ACAA1: variants seen among roughly 807,000 people sequenced by gnomAD.
The protein encoded by ACAA1 is acetyl-CoA acyltransferase 1, also known as 3-ketoacyl-CoA thiolase, peroxisomal.
In ACAA1, 44 loss-of-function variants were observed where a neutral mutation model predicts 48.8. The ratio of observed to expected loss-of-function variants is 0.90; its 90% CI spans 0.71 to 1.16. The LOEUF (loss-of-function observed/expected upper bound fraction) is 1.16, where lower values mean the gene tolerates loss of function less well. Among genes scored for constraint, ACAA1 ranks in the 50% most tolerant of loss-of-function variants. The pLI is 0.00. For missense variants in ACAA1, 512 were observed against 562.3 expected (o/e 0.91, Z 0.90); for synonymous variants, 233 against 226.5 (o/e 1.03, Z -0.26).
chr3:38,127,891 TGG>T (rs1479232953), intron 6 of ACAA1, 25 bp from the exon 7 acceptor site: 1 of 1,613,312 alleles, frequency 6.2e-7, no homozygotes, highest in Non-Finnish European at 8.5e-7. Context: ...GCAGATAGTG[TGG>T]GCATTGGTCT....
chr3:38,133,147 G>A lies in ACAA1; in HGVS notation c.323+805C>T, dbSNP rs557032031. On this transcript the variant is annotated intron_variant, in intron 3 of 11. Transcript: ENST00000333167. ...GCCAAAATGGTGAGACTGTGTTTAG[G>A]CAGGGTTTGTCTTTCTGTCTAGGGC... Among the ~76,000 whole-genome samples, 4 of 152,298 alleles carry A rather than the reference G, an allele frequency of 2.6e-5. No individual in the cohort carries two copies. The South Asian group carries it at 6.2e-4, about 24-fold the overall frequency.
chr3:38,125,968 GGT>G (rs1209508640), intron 9 of ACAA1, 87 bp from the exon 10 acceptor site: 8 of 1,582,036 alleles, frequency 5.1e-6, no homozygotes, highest in Non-Finnish European at 6.9e-6. Flanking sequence ...CAGGCTGCCT[GGT>G]GTGTGTCTCT....
Position 38,129,091 on chromosome 3 carries a change from C to G in ACAA1, c.545+199G>C, listed in dbSNP as rs1375580948. ...GGCGATGTTTGGAAACTCGGGGGCA[C>G]AGAGAGGACCTGGGGCCTTCAGGAA... On this transcript the variant is annotated intron_variant, in intron 6 of 11. Coordinates refer to ENST00000333167, the MANE Select transcript of ACAA1 (RefSeq NM_001607.4). This position sits in a 1 kb window ranked among gnomAD's most constrained non-coding sequence, Gnocchi z 5.3. Among the ~76,000 whole-genome samples, 1 of 152,142 alleles carries G rather than the reference C, an allele frequency of 6.6e-6. No individual in the cohort carries two copies. Among genetic ancestry groups the G allele is most frequent in the African/African-American group, 2.4e-5 (1 of 41,424 alleles).
Position 38,126,200 on chromosome 3 carries a change from C to T in ACAA1, c.959G>A (p.Gly320Glu). 3 of 1,614,142 alleles carry T rather than the reference C, an allele frequency of 1.9e-6. No homozygotes were observed. The highest frequency in any genetic ancestry group is 2.5e-6 in the Non-Finnish European group (3 of 1,179,988). ...AGCTACTGGGATGGCATAGGCAGGT[C>T]CAATGCCCATGATGTCAGGTGGGAC... The part of the protein sequence containing the change: ...VGVPPDIMGI[G>E]PAYAIPVALQ... The change falls in exon 9 of 12, where the codon GGA (glycine) becomes GAA (glutamate). Residue 320 changes from glycine (G) to glutamate (E), a missense_variant. Gly to Glu is a moderately conservative substitution (Grantham distance 98). Transcript: ENST00000333167. This position sits in a 1 kb window ranked among gnomAD's most constrained non-coding sequence, Gnocchi z 4.7.
rs535712162 is a variant in ACAA1 at position 38,131,721 on chromosome 3, C to G, written c.404-83G>C. ...GTGGAGCCTCTTCCCCACCTGGTCT[C>G]TAGATGGGACTCAGCCCCAGCCTCA... On this transcript the variant is annotated intron_variant, in intron 4 of 11. Transcript: ENST00000333167. 5.5e-4 allele frequency: 810 copies of G among 1,478,080 alleles called. 2 individuals are homozygous for G. Among genetic ancestry groups the G allele is most frequent in the Non-Finnish European group, 7.4e-4 (780 of 1,055,950 alleles). The allele number at this position is 1,478,080 out of a possible 1,614,324, so 91.6% of individuals were successfully genotyped here.
In ACAA1 at chr3:38,126,713, T is replaced by A. The variant is rs200810325; in HGVS notation, c.627-13A>T. 2.5e-6 allele frequency: 4 copies of A among 1,612,886 alleles called. No homozygotes were observed. The highest frequency in any genetic ancestry group is 3.4e-6 in the Non-Finnish European group (4 of 1,179,998). ...GGCTCTTGCTGCCCTGCCAGCACCA[T>A]GGACAGCCAGCTTCAGACTCCCTTG... On this transcript the variant is annotated splice_polypyrimidine_tract_variant and intron_variant, in intron 7 of 11. Transcript: ENST00000333167. The surrounding 1 kb of genome is among the most constrained non-coding windows in gnomAD (Gnocchi z 4.7).
Position 38,126,474 on chromosome 3 carries a change from C to G in ACAA1, c.817+36G>C. ...GTACAGCACCCAGCATGGCCATGGC[C>G]TGCTTTCTCATACCCCTACCCCGGA... is the stretch of plus-strand genomic sequence containing the variant. On this transcript the variant is annotated intron_variant, in intron 8 of 11. Coordinates refer to ENST00000333167, the MANE Select transcript of ACAA1 (RefSeq NM_001607.4). The surrounding 1 kb of genome is among the most constrained non-coding windows in gnomAD (Gnocchi z 4.7). The G allele has an allele frequency of 6.2e-7, 1 of 1,614,124 alleles. No individual in the cohort carries two copies. Among genetic ancestry groups the G allele is most frequent in the South Asian group, 1.1e-5 (1 of 91,070 alleles).
intron 1 of ACAA1, 73 bp from the exon 2 acceptor site, chr3:38,136,758 C>T (rs2125772623): frequency 6.6e-6 from 10 of 1,503,780 alleles, no homozygotes; most frequent in African/African-American, 1.4e-5. Context: ...GCGACCACAG[C>T]TGGGTGCGGA....
rs752548535 is a variant in ACAA1, at chr3:38,126,378, T to A, written c.818-37A>T. On this transcript the variant is annotated intron_variant, in intron 8 of 11. Coordinates refer to ENST00000333167, the MANE Select transcript of ACAA1 (RefSeq NM_001607.4). The surrounding 1 kb of genome is among the most constrained non-coding windows in gnomAD (Gnocchi z 4.7). The stretch of plus-strand genomic sequence containing the variant: ...CTGTTGGGGTAAGAAGGCATCGGGG[T>A]GGGGATGAGGAGATCCCAGCCCTCC... 11 of 1,607,912 alleles carry A rather than the reference T, an allele frequency of 6.8e-6. No homozygotes were observed. The highest frequency in any genetic ancestry group is 2.7e-5 in the African/African-American group (2 of 74,744).
At chr3:38,134,460 T>G (rs1280348937) in intron 2 of ACAA1, 1 of 457,206 alleles carries the variant, frequency 2.2e-6, no homozygotes, top group South Asian at 1.6e-5. Context: ...AGGGGTGGAA[T>G]AGAGGGCTGG....
rs1013072830 is a variant in ACAA1, at chr3:38,136,877, G to A, written c.159C>T (p.Arg53=). 2 of 1,525,214 alleles carry A rather than the reference G, an allele frequency of 1.3e-6. No individual in the cohort carries two copies. The highest frequency in any genetic ancestry group is 2.8e-5 in the African/African-American group (2 of 70,882). 94.5% of individuals were successfully genotyped at this position (1,525,214 alleles called of 1,614,324 possible). ...CCTCGGGCCTCACCTTGAAGCCGCC[G>A]CGGCCCGCCCGGCAGATGGCCGTGC... is the stretch of plus-strand genomic sequence containing the variant. ...GRRTAICRAG[R]GGFKDTTPDE... is the part of the protein sequence containing the mutation. Residue 53 remains arginine, a synonymous_variant, in exon 1 of 12, where the codon CGC becomes CGT. Transcript: ENST00000333167.
rs770541249 is a variant in ACAA1, at chr3:38,126,154, C to G, written c.997+8G>C. On this transcript the variant is annotated splice_region_variant and intron_variant, in intron 9 of 11. Transcript: ENST00000333167. The surrounding 1 kb of genome is among the most constrained non-coding windows in gnomAD (Gnocchi z 4.7). ...GGACCCAGATACTATATGAAGGAGC[C>G]ACCTTACCTGCTTTTTGCAAAGCTA... The G allele has an allele frequency of 1.2e-6, 2 of 1,612,254 alleles. No homozygotes were observed. The highest frequency in any genetic ancestry group is 2.7e-5 in the African/African-American group (2 of 74,894).
Position 38,123,135 on chromosome 3 carries a change from AACTT to A in ACAA1, c.1200-17_1200-14del. The A allele has an allele frequency of 6.2e-7, 1 of 1,613,894 alleles. No individual in the cohort carries two copies. The highest frequency in any genetic ancestry group is 8.5e-7 in the Non-Finnish European group (1 of 1,179,948). On this transcript the variant is annotated splice_polypyrimidine_tract_variant and intron_variant, in intron 11 of 11. Transcript: ENST00000333167. ...CACTCCGTATGCCCTGTGAAAACAA[AACTT>A]AATTGGCTGGGCAAAGGCACCCACC...
Position 38,129,492 on chromosome 3 carries a change from G to A in ACAA1, c.447-104C>T, listed in dbSNP as rs1297964585. The A allele has an allele frequency of 5.5e-6, 5 of 902,588 alleles. No homozygotes were observed. In the East Asian group the frequency reaches 1.0e-4, roughly 19 times the overall value. The allele number at this position is 902,588 out of a possible 1,614,324, so 55.9% of individuals were successfully genotyped here. A position where few individuals can be genotyped will look rare whatever the true frequency, so the allele number is the denominator to read the frequency against. On this transcript the variant is annotated intron_variant, in intron 5 of 11. Coordinates refer to ENST00000333167, the MANE Select transcript of ACAA1 (RefSeq NM_001607.4). The surrounding 1 kb of genome is among the most constrained non-coding windows in gnomAD (Gnocchi z 5.3). ...GCAAGTGCTAGGAAATAGCCAGGGA[G>A]CCCTAGGAAGACCAGTGGGCCTCTG...
At chr3:38,134,198 T>C in intron 2 of ACAA1, 189 bp from the exon 3 acceptor site, 1 of 608,902 alleles carries the variant, frequency 1.6e-6, no homozygotes, top group Non-Finnish European at 2.9e-6. Context: ...CTTGTCCTGG[T>C]CATCCACCAG....
chr3:38,132,317 TTC>T (rs2125769649), intron 3 of ACAA1: 9 of 184,286 alleles, frequency 4.9e-5, no homozygotes, highest in East Asian at 1.4e-4. Flanking sequence ...ACAGGGATCC[TTC>T]TCTCTCTCTC....
chr3:38,136,742 G>C (rs1700906718), intron 1 of ACAA1, 57 bp from the exon 2 acceptor site: 1 of 1,526,178 alleles, frequency 6.6e-7, no homozygotes, highest in Non-Finnish European at 8.8e-7. Flanking sequence ...ACCCCAGGGA[G>C]ACAAAGCGAC....
chr3:38,127,934 A>G (rs1197797051), intron 6 of ACAA1, 68 bp from the exon 7 acceptor site: 7 of 1,555,688 alleles, frequency 4.5e-6, no homozygotes, highest in South Asian at 1.1e-5. Flanking sequence ...CAGGCTGTAG[A>G]GCTGTGCTTG....
intron 9 of ACAA1, 38 bp from the exon 10 acceptor site, chr3:38,125,919 C>T (rs753034888): frequency 6.2e-7 from 1 of 1,613,656 alleles, no homozygotes; most frequent in Middle Eastern, 1.7e-4. Context: ...ACACACTGGC[C>T]CTCTGCCTCC....
Sources: allele counts gnomAD v4.1 joint callset (sites outside exome capture counted in the v4.1 genomes callset), GRCh38; gene constraint gnomAD v4.1.1; non-coding constraint Gnocchi (gnomAD v3.1); transcripts MANE v1.5; gene names NCBI Gene and HGNC (gene_info 2026-07-23, HGNC 2026-07-21).